The following ADGRB3 variants were observed in gnomAD, a reference collection of about 807,000 sequenced individuals.
ADGRB3 encodes brain-specific angiogenesis inhibitor 3.
A neutral mutation model predicts 193.4 loss-of-function variants in ADGRB3; 37 were observed. The ratio of observed to expected loss-of-function variants is 0.19; its 90% CI spans 0.15 to 0.25. The LOEUF is 0.25. ADGRB3 is among the 10% of genes least tolerant of loss of function. The pLI is 1.00. For missense variants in ADGRB3, 1,637 were observed against 1,852.9 expected (o/e 0.88, Z 2.14); for synonymous variants, 690 against 644.2 (o/e 1.07, Z -1.08).
At position 69,360,853 on chromosome 6, in the gene ADGRB3, A is replaced by G. The variant is rs370176926; in HGVS notation, c.3596-16A>G. 2.3e-5 allele frequency: 36 copies of G among 1,557,618 alleles called. No individual in the cohort carries two copies. In the African/African-American group the frequency reaches 4.1e-4, roughly 18 times the overall value. ...ACATTAACTCTCTTTCTTCAACTTT[A>G]CATTCCTACTCACAGTTCTTCATAA... On this transcript the variant is annotated splice_polypyrimidine_tract_variant and intron_variant, in intron 28 of 31. Transcript: ENST00000370598.
intron 20 of ADGRB3, among the ~76,000 whole-genome samples, chr6:69,322,243 C>T (rs767072814): frequency 1.5e-4 from 23 of 151,844 alleles, no homozygotes; most frequent in Non-Finnish European, 2.9e-4. Context: ...TTTCTTTATT[C>T]AGTCTATCAT....
At chr6:69,083,691 G>T (rs1487110841) in intron 17 of ADGRB3, among the ~76,000 whole-genome samples, 1 of 150,508 alleles carries the variant, frequency 6.6e-6, no homozygotes, top group Non-Finnish European at 1.5e-5. Context: ...TACAATTAAT[G>T]TTTACTTAGC....
intron 24 of ADGRB3, among the ~76,000 whole-genome samples, chr6:69,335,118 T>G (rs1254337745): frequency 4.6e-5 from 7 of 151,948 alleles, no homozygotes; most frequent in Non-Finnish European, 1.0e-4. Flanking sequence ...AATATGATAT[T>G]GAGGATTTAA....
chr6:69,035,026 A>G (rs1355327882), intron 13 of ADGRB3, among the ~76,000 whole-genome samples: 1 of 152,090 alleles, frequency 6.6e-6, no homozygotes. Context: ...GTTTTCAAAT[A>G]TAGAGTTGAT....
intron 20 of ADGRB3, among the ~76,000 whole-genome samples, chr6:69,318,647 G>C (rs1018107906): frequency 6.6e-6 from 1 of 151,260 alleles, no homozygotes; most frequent in Non-Finnish European, 1.5e-5. Flanking sequence ...GCTTACATTT[G>C]TTAGAATTTG....
At chr6:68,842,797 A>G (rs897035515) in intron 3 of ADGRB3, among the ~76,000 whole-genome samples, 4 of 152,030 alleles carry the variant, frequency 2.6e-5, no homozygotes, top group Admixed American at 6.6e-5. Context: ...AATACACTCA[A>G]CAATACATTA....
chr6:69,232,994 C>A (rs1423205228), intron 17 of ADGRB3: 2 of 433,464 alleles, frequency 4.6e-6, no homozygotes, highest in South Asian at 3.3e-5. Context: ...GTGCTGCCGC[C>A]GCTGCCGCTG....
intron 20 of ADGRB3, among the ~76,000 whole-genome samples, chr6:69,256,362 A>G (rs964876563): frequency 3.3e-5 from 5 of 152,042 alleles, no homozygotes; most frequent in Non-Finnish European, 7.4e-5. Flanking sequence ...ATTTGTTTGT[A>G]TCCTCTTTGA....
At chr6:69,144,609 T>C (rs993094675) in intron 17 of ADGRB3, among the ~76,000 whole-genome samples, 1 of 152,208 alleles carries the variant, frequency 6.6e-6, no homozygotes, top group Non-Finnish European at 1.5e-5. Flanking sequence ...TTTAGGGTTT[T>C]TATTAAGAAG....
chr6:68,830,510 T>C (rs1342622522), intron 3 of ADGRB3, among the ~76,000 whole-genome samples: 1 of 152,186 alleles, frequency 6.6e-6, no homozygotes, highest in Non-Finnish European at 1.5e-5. Flanking sequence ...AAATAACTAG[T>C]ATATTACTAT....
At chr6:69,269,259 G>A (rs1484733027) in intron 20 of ADGRB3, among the ~76,000 whole-genome samples, 1 of 152,044 alleles carries the variant, frequency 6.6e-6, no homozygotes, top group East Asian at 1.9e-4. Context: ...ACAAAATACA[G>A]AGGTGTTTGT....
At chr6:69,151,127 T>C (rs938227097) in intron 17 of ADGRB3, among the ~76,000 whole-genome samples, 3 of 152,194 alleles carry the variant, frequency 2.0e-5, no homozygotes, top group Non-Finnish European at 4.4e-5. Context: ...CTCACCAGGT[T>C]GCATGCCCCA....
intron 3 of ADGRB3, among the ~76,000 whole-genome samples, chr6:68,725,735 A>G (rs1179063309): frequency 6.6e-6 from 1 of 151,596 alleles, no homozygotes; most frequent in Non-Finnish European, 1.5e-5. Flanking sequence ...GAGCATTATT[A>G]GCAACTGCAA....
At chr6:68,809,795 T>C (rs543983252) in intron 3 of ADGRB3, among the ~76,000 whole-genome samples, 1 of 152,326 alleles carries the variant, frequency 6.6e-6, no homozygotes, top group South Asian at 2.1e-4. Flanking sequence ...GGTAAAAACA[T>C]ATTAGTCTCT....
intron 3 of ADGRB3, among the ~76,000 whole-genome samples, chr6:68,864,708 C>T (rs1298935689): frequency 6.6e-6 from 1 of 152,166 alleles, no homozygotes; most frequent in African/African-American, 2.4e-5. Context: ...ACAGCATCTC[C>T]TTTGCTCAAG....
chr6:69,139,665 C>G (rs1394887947), intron 17 of ADGRB3, among the ~76,000 whole-genome samples: 5 of 152,258 alleles, frequency 3.3e-5, no homozygotes, highest in Middle Eastern at 3.4e-3. Flanking sequence ...CTCCCAAAAC[C>G]TGTTTATGGA....
At chr6:68,817,244 C>T (rs1380290413) in intron 3 of ADGRB3, among the ~76,000 whole-genome samples, 2 of 137,158 alleles carry the variant, frequency 1.5e-5, no homozygotes, top group Non-Finnish European at 3.1e-5. Flanking sequence ...TAATCAAGGG[C>T]CTGTTTTATC....
chr6:68,696,430 A>T (rs550880777), intron 3 of ADGRB3, among the ~76,000 whole-genome samples: 3 of 147,936 alleles, frequency 2.0e-5, no homozygotes, highest in Admixed American at 1.4e-4. Flanking sequence ...TCTAAAAATT[A>T]AAAAAAAAAC....
chr6:68,690,713 T>C (rs1229745594), intron 3 of ADGRB3, among the ~76,000 whole-genome samples: 1 of 152,138 alleles, frequency 6.6e-6, no homozygotes, highest in East Asian at 1.9e-4. Flanking sequence ...CATAAGAGAT[T>C]GGATAACAGC....
Sources: gnomAD v4.1 joint callset for allele counts (sites outside exome capture counted in the v4.1 genomes callset) on GRCh38, gnomAD v4.1.1 for gene constraint, MANE v1.5 for transcripts, NCBI Gene and HGNC (gene_info 2026-07-23, HGNC 2026-07-21) for gene names.